Variants in EPB41L4A observed in about 807,000 individuals in gnomAD.
EPB41L4A encodes erythrocyte membrane protein band 4.1 like 4A.
A neutral mutation model predicts 108.6 loss-of-function variants in EPB41L4A; 100 were observed. The ratio of observed to expected loss-of-function variants is 0.92; its 90% CI spans 0.78 to 1.09. EPB41L4A has a LOEUF of 1.09. Ranked by LOEUF, EPB41L4A falls within the 50% of genes least tolerant of loss-of-function variation. The pLI, the probability that EPB41L4A is intolerant of heterozygous loss-of-function variation, is 0.00. For synonymous variants in EPB41L4A, 319 were observed against 289.0 expected, an observed-to-expected ratio of 1.10 and a Z score of -1.05; for missense variants, 1,030 against 842.7, an observed-to-expected ratio of 1.22 and a Z score of -2.75.
chr5:112,177,964 C>T (rs536611025), intron 18 of EPB41L4A, among the ~76,000 whole-genome samples: 6 of 151,460 alleles, frequency 4.0e-5, no homozygotes, highest in Non-Finnish European at 5.9e-5. Context: ...AGATTTATAT[C>T]GCAAAATACA....
intron 1 of EPB41L4A, among the ~76,000 whole-genome samples, chr5:112,346,865 T>G (rs1441125981): frequency 6.6e-6 from 1 of 152,228 alleles, no homozygotes; most frequent in African/African-American, 2.4e-5. Context: ...GGCAATGGCT[T>G]TGAAAGAGGT....
At chr5:112,322,351 T>C (rs762796983) in intron 1 of EPB41L4A, among the ~76,000 whole-genome samples, 2 of 152,204 alleles carry the variant, frequency 1.3e-5, no homozygotes, top group Admixed American at 6.5e-5. Context: ...TGCTCTAACA[T>C]GCACTCATAT....
intron 1 of EPB41L4A, among the ~76,000 whole-genome samples, chr5:112,334,955 A>C (rs1409836439): frequency 6.6e-6 from 1 of 152,220 alleles, no homozygotes; most frequent in African/African-American, 2.4e-5. Context: ...AGGAGAGAAC[A>C]CAACTTTAGG....
At chr5:112,177,749 G>A (rs1024117087) in intron 18 of EPB41L4A, among the ~76,000 whole-genome samples, 1 of 152,008 alleles carries the variant, frequency 6.6e-6, no homozygotes, top group African/African-American at 2.4e-5. Context: ...TCATCTTAGG[G>A]TGTGATAAGG....
At chr5:112,170,209 A>T in intron 20 of EPB41L4A, 92 bp downstream of exon 20, 2 of 1,260,772 alleles carry the variant, frequency 1.6e-6, no homozygotes, top group Non-Finnish European at 2.2e-6. Flanking sequence ...AAGACAAATT[A>T]AAGCACTGTC....
intron 1 of EPB41L4A, among the ~76,000 whole-genome samples, chr5:112,339,726 C>T (rs1224607932): frequency 1.3e-5 from 2 of 151,280 alleles, no homozygotes; most frequent in Non-Finnish European, 3.0e-5. Flanking sequence ...AGTAGAGAGG[C>T]GGTTTCACCA....
Position 112,195,677 on chromosome 5 carries a change from GATCTGA to G in EPB41L4A, c.1402_1407del (p.Ser468_Asp469del). ...TTTTTTTACCTCCTCCTTTGCTTAAGATCTGAATCTTCACCACTGTTATGGGCTTTC... is the reference window on the plus strand; with the variant it reads ...TTTTTTTACCTCCTCCTTTGCTTAAGATCTTCACCACTGTTATGGGCTTTC... On this transcript the variant is annotated inframe_deletion, in exon 16 of 23. Coordinates refer to ENST00000261486, the MANE Select transcript of EPB41L4A (RefSeq NM_022140.5). The G allele has an allele frequency of 6.2e-7, 1 of 1,613,566 alleles. No individual in the cohort carries two copies. Among genetic ancestry groups the G allele is most frequent in the South Asian group, 1.1e-5 (1 of 91,064 alleles).
intron 1 of EPB41L4A, among the ~76,000 whole-genome samples, chr5:112,338,112 C>T (rs1757043403): frequency 6.6e-6 from 1 of 152,160 alleles, no homozygotes; most frequent in Non-Finnish European, 1.5e-5. Flanking sequence ...TTTTCTAAAA[C>T]ACAAGCAGTG....
intron 4 of EPB41L4A, among the ~76,000 whole-genome samples, chr5:112,273,901 T>C (rs941975351): frequency 6.6e-6 from 1 of 152,122 alleles, no homozygotes; most frequent in Admixed American, 6.5e-5. Flanking sequence ...AAAGATGTGC[T>C]CTGCAAAAGC....
intron 9 of EPB41L4A, among the ~76,000 whole-genome samples, chr5:112,246,874 A>C (rs1750272510): frequency 6.6e-6 from 1 of 152,140 alleles, no homozygotes; most frequent in Non-Finnish European, 1.5e-5. Context: ...GTGCTTCTCA[A>C]CTCCCATCTT....
At chr5:112,320,064 G>A (rs1755675894) in intron 1 of EPB41L4A, among the ~76,000 whole-genome samples, 1 of 152,182 alleles carries the variant, frequency 6.6e-6, no homozygotes, top group African/African-American at 2.4e-5. Flanking sequence ...TGTTAAGCTT[G>A]AAATTATTTC....
chr5:112,234,249 G>A (rs1401072609), intron 12 of EPB41L4A, among the ~76,000 whole-genome samples: 1 of 150,196 alleles, frequency 6.7e-6, no homozygotes, highest in African/African-American at 2.4e-5. Flanking sequence ...AAATAACCAG[G>A]CATGGTAGTA....
chr5:112,144,140 C>T (rs1044334564), intron 13 of EPB41L4A, among the ~76,000 whole-genome samples: 2 of 152,180 alleles, frequency 1.3e-5, no homozygotes, highest in Non-Finnish European at 2.9e-5. Flanking sequence ...TATGGAGCAG[C>T]CCTGGGAATA....
chr5:112,397,639 T>TTA (rs1481776637), intron 1 of EPB41L4A, among the ~76,000 whole-genome samples: 2 of 152,162 alleles, frequency 1.3e-5, no homozygotes, highest in Admixed American at 6.6e-5. Context: ...AAATAAAACT[T>TTA]TACATTTTCT....
intron 1 of EPB41L4A, among the ~76,000 whole-genome samples, chr5:112,407,827 T>G (rs1361331372): frequency 6.6e-6 from 1 of 152,190 alleles, no homozygotes; most frequent in East Asian, 1.9e-4. Flanking sequence ...AAACAATCCT[T>G]CAATCAGTCT....
intron 1 of EPB41L4A, among the ~76,000 whole-genome samples, chr5:112,342,017 T>G (rs548048551): frequency 6.6e-6 from 1 of 152,160 alleles, no homozygotes; most frequent in Non-Finnish European, 1.5e-5. Context: ...TTTCCTCCTA[T>G]AGAATGGATC....
intron 1 of EPB41L4A, among the ~76,000 whole-genome samples, chr5:112,348,723 G>T (rs1466519851): frequency 6.6e-6 from 1 of 152,126 alleles, no homozygotes; most frequent in East Asian, 1.9e-4. Context: ...TATCTGTTAG[G>T]GATTCCATAT....
At chr5:112,178,562 G>T (rs1331036486) in intron 18 of EPB41L4A, among the ~76,000 whole-genome samples, 4 of 151,162 alleles carry the variant, frequency 2.6e-5, no homozygotes, top group Non-Finnish European at 5.9e-5. Flanking sequence ...AAATTTCAAG[G>T]GATTAAAACT....
chr5:112,241,983 G>A (rs1749818981), intron 9 of EPB41L4A, among the ~76,000 whole-genome samples: 1 of 152,118 alleles, frequency 6.6e-6, no homozygotes. Flanking sequence ...GGTGAAAAAT[G>A]GTAAAAGTCA....
Sources: allele counts gnomAD v4.1 joint callset (sites outside exome capture counted in the v4.1 genomes callset), GRCh38; gene constraint gnomAD v4.1.1; transcripts MANE v1.5; gene names NCBI Gene and HGNC (gene_info 2026-07-23, HGNC 2026-07-21).